Variants in PLXDC2 observed in about 807,000 individuals in gnomAD.
The protein encoded by PLXDC2 is plexin domain-containing protein 2.
A neutral mutation model predicts 68.9 loss-of-function variants in PLXDC2; 40 were observed. The observed-to-expected ratio is 0.58, with a 90% CI of 0.45 to 0.76. The LOEUF is 0.76. PLXDC2 is among the 30% of genes least tolerant of loss of function. The probability of loss-of-function intolerance (pLI) is 0.00; values close to 1 mark genes in which losing one functional copy is unlikely to be tolerated. For missense variants in PLXDC2, 644 were observed against 661.9 expected, an observed-to-expected ratio of 0.97 and a Z score of 0.30; for synonymous variants, 243 against 234.2, an observed-to-expected ratio of 1.04 and a Z score of -0.34.
intron 3 of PLXDC2, among the ~76,000 whole-genome samples, chr10:20,065,736 A>ATGT (rs1340529377): frequency 6.6e-6 from 1 of 152,214 alleles, no homozygotes; most frequent in African/African-American, 2.4e-5. Flanking sequence ...GATCCCTCGC[A>ATGT]TGTGCAGTTC....
intron 6 of PLXDC2, among the ~76,000 whole-genome samples, chr10:20,155,924 G>A (rs1015053130): frequency 5.9e-5 from 9 of 151,706 alleles, no homozygotes; most frequent in African/African-American, 1.2e-4. Context: ...CTGTTGCCTC[G>A]GCTGGAGTGC....
chr10:19,820,651 A>AG (rs1394685986), intron 1 of PLXDC2, among the ~76,000 whole-genome samples: 97 of 152,012 alleles, frequency 6.4e-4, no homozygotes, highest in South Asian at 2.3e-3. Context: ...AAAAAAAAAA[A>AG]AAAAGAAAAG....
intron 1 of PLXDC2, among the ~76,000 whole-genome samples, chr10:19,936,677 T>C (rs182410208): frequency 1.3e-5 from 2 of 152,234 alleles, no homozygotes; most frequent in South Asian, 4.1e-4. Context: ...GATGTATTGT[T>C]GGTAACTTGA....
chr10:20,198,840 AT>A (rs1335991717), intron 9 of PLXDC2, among the ~76,000 whole-genome samples: 1 of 152,126 alleles, frequency 6.6e-6, no homozygotes, highest in African/African-American at 2.4e-5. Flanking sequence ...TTAATGATTT[AT>A]TCTCCCAAAG....
intron 6 of PLXDC2, among the ~76,000 whole-genome samples, chr10:20,148,499 A>C (rs571406775): frequency 1.3e-5 from 2 of 149,818 alleles, no homozygotes; most frequent in South Asian, 2.1e-4. Context: ...ACAAACTGAC[A>C]AAGTAAAGAA....
At chr10:20,007,797 C>T (rs186646399) in intron 2 of PLXDC2, among the ~76,000 whole-genome samples, 1 of 152,178 alleles carries the variant, frequency 6.6e-6, no homozygotes, top group Non-Finnish European at 1.5e-5. Context: ...CTTTGGGTTG[C>T]AAGGATTTAG....
At chr10:20,085,192 T>G (rs1345863371) in intron 4 of PLXDC2, among the ~76,000 whole-genome samples, 10 of 121,252 alleles carry the variant, frequency 8.2e-5, no homozygotes, top group Admixed American at 7.8e-4. Context: ...GGAGCCTATG[T>G]GATTTAGGTT....
intron 3 of PLXDC2, among the ~76,000 whole-genome samples, chr10:20,060,799 TA>T (rs1398941778): frequency 6.6e-6 from 1 of 152,196 alleles, no homozygotes; most frequent in Non-Finnish European, 1.5e-5. Flanking sequence ...CTGACAGTAT[TA>T]AAGATTCCAG....
At chr10:19,832,073 T>C (rs983278322) in intron 1 of PLXDC2, among the ~76,000 whole-genome samples, 7 of 152,246 alleles carry the variant, frequency 4.6e-5, no homozygotes, top group African/African-American at 1.7e-4. Flanking sequence ...CGTTTATTCA[T>C]TTATTATTTT....
chr10:20,100,323 T>G (rs969468160), intron 4 of PLXDC2, among the ~76,000 whole-genome samples: 2 of 152,184 alleles, frequency 1.3e-5, no homozygotes, highest in South Asian at 4.1e-4. Context: ...TGTTTATAAA[T>G]GTGTAATTCC....
chr10:19,853,443 A>G (rs552425492), intron 1 of PLXDC2, among the ~76,000 whole-genome samples: 1 of 151,848 alleles, frequency 6.6e-6, no homozygotes, highest in African/African-American at 2.4e-5. Flanking sequence ...TTTTGTATAG[A>G]TGAGGTCTCG....
intron 2 of PLXDC2, among the ~76,000 whole-genome samples, chr10:20,023,482 A>G (rs993147517): frequency 4.6e-5 from 7 of 152,146 alleles, no homozygotes; most frequent in Non-Finnish European, 7.4e-5. Context: ...TGCCTCATGA[A>G]TGGATTAATG....
intron 6 of PLXDC2, among the ~76,000 whole-genome samples, chr10:20,162,042 A>AAGAGAGAGAGAG (rs139175193): frequency 1.4e-5 from 1 of 72,358 alleles, no homozygotes; most frequent in African/African-American, 5.5e-5. Context: ...GAAAGAAAGA[A>AAGAGAGAGAGAG]AGAGAGAGAG....
chr10:20,177,235 TA>T, intron 8 of PLXDC2, 92 bp from the exon 9 acceptor site: 2 of 1,330,958 alleles, frequency 1.5e-6, no homozygotes, highest in Non-Finnish European at 2.2e-6. Flanking sequence ...TCCTGAGGAT[TA>T]GGGGGCAGTG....
chr10:19,907,116 G>A (rs1833178091), intron 1 of PLXDC2, among the ~76,000 whole-genome samples: 1 of 152,058 alleles, frequency 6.6e-6, no homozygotes, highest in Admixed American at 6.6e-5. Context: ...TTTTTCCATG[G>A]AAATGTGTTC....
chr10:20,040,302 G>T (rs924197721), intron 2 of PLXDC2, among the ~76,000 whole-genome samples: 6 of 151,998 alleles, frequency 3.9e-5, no homozygotes, highest in Non-Finnish European at 8.8e-5. Flanking sequence ...ACAGATTTTC[G>T]CTGACTCAAG....
intron 1 of PLXDC2, among the ~76,000 whole-genome samples, chr10:19,943,469 G>T (rs906180289): frequency 6.6e-5 from 10 of 152,112 alleles, no homozygotes; most frequent in African/African-American, 4.8e-5. Context: ...TTCTTTAATT[G>T]AGAAGACATT....
At chr10:20,098,076 G>GT (rs1485589099) in intron 4 of PLXDC2, among the ~76,000 whole-genome samples, 5 of 151,722 alleles carry the variant, frequency 3.3e-5, no homozygotes, top group African/African-American at 1.2e-4. Context: ...TGTTTTATTT[G>GT]TGGGGGGCGG....
intron 1 of PLXDC2, among the ~76,000 whole-genome samples, chr10:19,838,001 T>C (rs548556154): frequency 6.6e-6 from 1 of 152,294 alleles, no homozygotes; most frequent in South Asian, 2.1e-4. Flanking sequence ...ATATATTTAT[T>C]GATTTATTTA....
Sources: allele counts gnomAD v4.1 joint callset (sites outside exome capture counted in the v4.1 genomes callset), GRCh38; gene constraint gnomAD v4.1.1; transcripts MANE v1.5; gene names NCBI Gene and HGNC (gene_info 2026-07-23, HGNC 2026-07-21).